Variants in MYO16 observed in about 807,000 individuals in gnomAD.
MYO16 encodes the protein unconventional myosin-XVI.
Under a neutral mutation model 205.3 loss-of-function variants are expected in MYO16, and 94 were observed. That is an observed-to-expected ratio of 0.46 (90% CI 0.39 to 0.54). The LOEUF (loss-of-function observed/expected upper bound fraction) is 0.54, where lower values mean the gene tolerates loss of function less well. MYO16 is among the 20% of genes least tolerant of loss of function. The pLI, the probability that MYO16 is intolerant of heterozygous loss-of-function variation, is 0.00. For missense variants in MYO16, 2,315 were observed against 2,387.5 expected, an observed-to-expected ratio of 0.97 and a Z score of 0.63; for synonymous variants, 988 against 954.0, an observed-to-expected ratio of 1.04 and a Z score of -0.66.
intron 15 of MYO16, among the ~76,000 whole-genome samples, chr13:108,906,496 A>G (rs772875301): frequency 2.6e-5 from 4 of 152,208 alleles, no homozygotes; most frequent in Non-Finnish European, 5.9e-5. Context: ...CAGATGAATA[A>G]TCATCTTTGT....
At chr13:108,522,946 A>G in the MYO16 span, among the ~76,000 whole-genome samples, 1 of 152,300 alleles carries the variant, frequency 6.6e-6, no homozygotes, top group African/African-American at 2.4e-5. Context: ...GGTCTTCAAT[A>G]TATGAACTTG....
intron 6 of MYO16, among the ~76,000 whole-genome samples, chr13:108,803,116 A>G (rs1453901390): frequency 1.3e-5 from 2 of 152,210 alleles, no homozygotes; most frequent in Non-Finnish European, 2.9e-5. Flanking sequence ...TTAAAGTTAG[A>G]AAAACCTTTC....
chr13:109,097,400 T>C (rs1254563795), intron 27 of MYO16, among the ~76,000 whole-genome samples: 1 of 152,176 alleles, frequency 6.6e-6, no homozygotes, highest in Non-Finnish European at 1.5e-5. Context: ...CCACATGCAC[T>C]GCCCTTTGCA....
chr13:108,703,076 T>G (rs1333493947), intron 2 of MYO16, among the ~76,000 whole-genome samples: 1 of 152,154 alleles, frequency 6.6e-6, no homozygotes, highest in Non-Finnish European at 1.5e-5. Flanking sequence ...GCATAAATCC[T>G]ACTTTATCAG....
At chr13:108,542,509 G>A in the MYO16 span, among the ~76,000 whole-genome samples, 1 of 152,090 alleles carries the variant, frequency 6.6e-6, no homozygotes, top group African/African-American at 2.4e-5. Flanking sequence ...TAGTTACTGG[G>A]GTTTTTGGTT....
intron 7 of MYO16, among the ~76,000 whole-genome samples, chr13:108,812,948 A>G (rs1887340480): frequency 6.6e-6 from 1 of 152,208 alleles, no homozygotes; most frequent in Non-Finnish European, 1.5e-5. Flanking sequence ...CCTAACCTCC[A>G]GAACTGTGAG....
intron 12 of MYO16, among the ~76,000 whole-genome samples, chr13:108,871,364 C>T (rs898962417): frequency 1.6e-4 from 14 of 87,382 alleles, no homozygotes; most frequent in South Asian, 1.2e-3. Context: ...GTGTGTGTGT[C>T]TGTGTGTTGG....
intron 6 of MYO16, among the ~76,000 whole-genome samples, chr13:108,799,610 G>A (rs1342575209): frequency 6.6e-6 from 1 of 152,088 alleles, no homozygotes; most frequent in East Asian, 1.9e-4. Context: ...TTCAATTAAG[G>A]AGTCGAAGAA....
chr13:108,622,849 C>A (rs1469557971), intron 1 of MYO16, among the ~76,000 whole-genome samples: 1 of 151,962 alleles, frequency 6.6e-6, no homozygotes, highest in Non-Finnish European at 1.5e-5. Flanking sequence ...CCCCACTATT[C>A]AAAAAGCAAT....
chr13:108,736,914 G>C (rs1255341932), intron 4 of MYO16, among the ~76,000 whole-genome samples: 1 of 152,178 alleles, frequency 6.6e-6, no homozygotes, highest in Non-Finnish European at 1.5e-5. Context: ...TTGTGAATGA[G>C]AGATCCCTCA....
At chr13:109,132,196 T>C (rs1050759389) in intron 31 of MYO16, among the ~76,000 whole-genome samples, 1 of 152,186 alleles carries the variant, frequency 6.6e-6, no homozygotes, top group Non-Finnish European at 1.5e-5. Flanking sequence ...TTGCTCAAGG[T>C]GAAATTGCAG....
the MYO16 span, among the ~76,000 whole-genome samples, chr13:108,530,938 T>C: frequency 6.6e-6 from 1 of 152,252 alleles, no homozygotes; most frequent in Non-Finnish European, 1.5e-5. Flanking sequence ...TTATGGTTTT[T>C]TTTCAAATGG....
At chr13:108,823,408 A>C (rs574900989) in intron 9 of MYO16, 130 bp downstream of exon 9, 1 of 743,588 alleles carries the variant, frequency 1.3e-6, no homozygotes, top group Non-Finnish European at 2.0e-6. Context: ...TATATACCAA[A>C]GAATACTTGT....
the MYO16 span, among the ~76,000 whole-genome samples, chr13:108,586,889 CT>C: frequency 1.3e-5 from 2 of 152,136 alleles, no homozygotes; most frequent in African/African-American, 2.4e-5. Context: ...TGAAAAGCGC[CT>C]ATTTTCCTAT....
chr13:109,148,651 A>G (rs796638811), intron 32 of MYO16, among the ~76,000 whole-genome samples: 3 of 152,334 alleles, frequency 2.0e-5, no homozygotes, highest in African/African-American at 7.2e-5. Context: ...CATGGTATAC[A>G]TGCCACTTGT....
At position 109,206,816 on chromosome 13, in the gene MYO16, C is replaced by A; in HGVS notation, c.5623C>A (p.Leu1875Ile). The A allele has an allele frequency of 4.3e-6, 7 of 1,614,062 alleles. No homozygotes were observed. Among genetic ancestry groups the A allele is most frequent in the Non-Finnish European group, 5.1e-6 (6 of 1,179,960 alleles). The stretch of plus-strand genomic sequence containing the variant: ...CTCCTGCAACAGGCTGCCGTCTGAG[C>A]TCTGGGACACCACCATTTGATGTGG... The part of the protein sequence containing the change: ...GASCNRLPSE[L>I]WDTTI The change falls in exon 35 of 35, where the codon CTC (leucine) becomes ATC (isoleucine). Residue 1875 changes from leucine to isoleucine, a missense_variant. By Grantham distance (5) the Leu-to-Ile change is conservative. Coordinates refer to ENST00000457511, the MANE Select transcript of MYO16 (RefSeq NM_001198950.3).
chr13:108,754,984 CAT>C (rs768196953), intron 4 of MYO16, among the ~76,000 whole-genome samples: 2 of 151,720 alleles, frequency 1.3e-5, no homozygotes, highest in Admixed American at 6.6e-5. Flanking sequence ...AGAGAGAGAA[CAT>C]GTGGTTAATG....
the MYO16 span, among the ~76,000 whole-genome samples, chr13:108,526,551 G>T: frequency 6.6e-6 from 1 of 152,022 alleles, no homozygotes; most frequent in African/African-American, 2.4e-5. Flanking sequence ...GGAAATGCTT[G>T]GGCAAAACAA....
chr13:108,607,935 C>A (rs2139311714), intron 1 of MYO16, among the ~76,000 whole-genome samples: 1 of 152,284 alleles, frequency 6.6e-6, no homozygotes, highest in East Asian at 1.9e-4. Context: ...TGTTCCTGTT[C>A]TCTGATCCTA....
Sources: allele counts gnomAD v4.1 joint callset (sites outside exome capture counted in the v4.1 genomes callset), GRCh38; gene constraint gnomAD v4.1.1; transcripts MANE v1.5; gene names NCBI Gene and HGNC (gene_info 2026-07-23, HGNC 2026-07-21).